Variants in TTLL6 observed in about 807,000 individuals in gnomAD.
The protein encoded by TTLL6 is tubulin polyglutamylase TTLL6.
In TTLL6, 75 loss-of-function variants were observed where a neutral mutation model predicts 96.4. The ratio of observed to expected loss-of-function variants is 0.78; its 90% CI spans 0.65 to 0.94. The LOEUF (loss-of-function observed/expected upper bound fraction) is 0.94. Among genes scored for constraint, TTLL6 ranks in the 40% least tolerant of loss-of-function variants. TTLL6 has a pLI of 0.00. For missense variants in TTLL6, 1,030 were observed against 1,093.0 expected (o/e 0.94, Z 0.81); for synonymous variants, 411 against 419.4 (o/e 0.98, Z 0.24).
At chr17:48,788,937 T>C (rs1232587972) in intron 10 of TTLL6, among the ~76,000 whole-genome samples, 1 of 151,994 alleles carries the variant, frequency 6.6e-6, no homozygotes, top group Non-Finnish European at 1.5e-5. Context: ...GGGGCTGTAG[T>C]GGGGTCTGAA....
At chr17:48,764,165 G>T (rs763581156) in intron 15 of TTLL6, among the ~76,000 whole-genome samples, 8 of 152,002 alleles carry the variant, frequency 5.3e-5, no homozygotes, top group Non-Finnish European at 1.2e-4. Context: ...TACAAAATAG[G>T]TTGTTTATCC....
At chr17:48,787,706 C>T in intron 11 of TTLL6, 105 bp downstream of exon 11, 1 of 1,231,968 alleles carries the variant, frequency 8.1e-7, no homozygotes, top group African/African-American at 1.5e-5. Context: ...GCTCTGGCAA[C>T]TTTCATGGCT....
rs761943581 is a variant in TTLL6 at position 48,769,985 on chromosome 17, G to A, written c.2153C>T (p.Thr718Met). 52 of 1,613,978 alleles carry A rather than the reference G, an allele frequency of 3.2e-5. No individual in the cohort carries two copies. The East Asian group carries it at 4.0e-4, about 12-fold the overall frequency. The change falls in exon 14 of 16, where the codon ACG becomes ATG. Residue 718 changes from threonine to methionine, a missense_variant. Thr to Met is a moderately conservative substitution (Grantham distance 81). Coordinates refer to ENST00000393382, the MANE Select transcript of TTLL6 (RefSeq NM_001130918.3). Reference sequence around the variant, plus strand: ...GCATTTAAAGGATACCACCCTGTCCGTCTCTGGGCCACTGTACTCAGAGCT... The same window carrying A: ...GCATTTAAAGGATACCACCCTGTCCATCTCTGGGCCACTGTACTCAGAGCT... ...TASSEYSGPE[T>M]DRVVSFKCKK...
chr17:48,786,400 C>G, intron 11 of TTLL6, 65 bp from the exon 12 acceptor site: 1 of 1,600,996 alleles, frequency 6.2e-7, no homozygotes, highest in Non-Finnish European at 8.6e-7. Flanking sequence ...AGGCATTCTC[C>G]TTGAGGGATG....
chr17:48,763,727 AG>A (rs1420045033), intron 15 of TTLL6, among the ~76,000 whole-genome samples: 1 of 152,162 alleles, frequency 6.6e-6, no homozygotes, highest in Non-Finnish European at 1.5e-5. Context: ...TGAACCTGGG[AG>A]GTGAAAGTAG....
intron 1 of TTLL6, among the ~76,000 whole-genome samples, chr17:48,813,873 G>A (rs894350029): frequency 1.3e-5 from 2 of 152,144 alleles, no homozygotes; most frequent in African/African-American, 4.8e-5. Flanking sequence ...TCTGCCCTCT[G>A]CCAGTCTGTG....
chr17:48,813,801 C>T (rs2039626993), intron 1 of TTLL6, among the ~76,000 whole-genome samples: 1 of 152,266 alleles, frequency 6.6e-6, no homozygotes, highest in Middle Eastern at 3.4e-3. Context: ...ATTTTCTAAG[C>T]TTCTATGGAA....
intron 3 of TTLL6, 71 bp from the exon 4 acceptor site, chr17:48,801,714 T>A: frequency 7.5e-7 from 1 of 1,330,576 alleles, no homozygotes; most frequent in Non-Finnish European, 1.0e-6. Context: ...ATTCCATTAC[T>A]AGGTGCTCCC....
intron 3 of TTLL6, 128 bp from the exon 4 acceptor site, chr17:48,801,771 C>T (rs1335734191): frequency 3.0e-6 from 2 of 667,966 alleles, no homozygotes; most frequent in Non-Finnish European, 2.6e-6. Flanking sequence ...AGACTGGAAG[C>T]CATCTTGCCC....
At chr17:48,763,156 C>T (rs1019584011) in intron 15 of TTLL6, among the ~76,000 whole-genome samples, 183 bp from the exon 16 acceptor site, 1 of 140,342 alleles carries the variant, frequency 7.1e-6, no homozygotes, top group African/African-American at 2.6e-5. Flanking sequence ...GCCTTCTTGC[C>T]TGAAATATTG....
chr17:48,814,891 C>T (rs750570343), intron 1 of TTLL6, among the ~76,000 whole-genome samples: 2 of 152,162 alleles, frequency 1.3e-5, no homozygotes, highest in African/African-American at 2.4e-5. Flanking sequence ...GTGATTCTCC[C>T]GCCTTAGCTT....
At chr17:48,784,644 T>C (rs2039052793) in intron 13 of TTLL6, among the ~76,000 whole-genome samples, 1 of 152,038 alleles carries the variant, frequency 6.6e-6, no homozygotes, top group African/African-American at 2.4e-5. Context: ...GAATAAACGG[T>C]GTTGCCTCCA....
chr17:48,783,916 A>G (rs968986729), intron 13 of TTLL6, among the ~76,000 whole-genome samples: 1 of 152,198 alleles, frequency 6.6e-6, no homozygotes, highest in Non-Finnish European at 1.5e-5. Flanking sequence ...ATACATCAAC[A>G]GAGTTTGAGA....
chr17:48,816,953 C>T lies in TTLL6; in HGVS notation c.103+17G>A, dbSNP rs1451951068. On this transcript the variant is annotated intron_variant, in intron 1 of 15. Transcript: ENST00000393382. ...GCTGCGGTCTGGAGCCAGCACCGGG[C>T]TTTGGGGCGCTCTTACCCGCAATTC... The T allele has an allele frequency of 6.6e-7, 1 of 1,518,950 alleles. No homozygotes were observed. The highest frequency in any genetic ancestry group is 8.8e-7 in the Non-Finnish European group (1 of 1,134,786). The allele number at this position is 1,518,950 out of a possible 1,614,324, so 94.1% of individuals were successfully genotyped here.
rs758862166 is a variant in TTLL6 at position 48,791,355 on chromosome 17, G to A, written c.1224+23C>T. 2.7e-5 allele frequency: 43 copies of A among 1,604,810 alleles called. No individual in the cohort carries two copies. The Admixed American group carries it at 4.3e-4, about 16-fold the overall frequency. ...GCCCCAATAACAGGAGTTCGTTTTC[G>A]CCCCTCGCCCAAACTTCCCTACCTC... On this transcript the variant is annotated intron_variant, in intron 9 of 15. Coordinates refer to ENST00000393382, the MANE Select transcript of TTLL6 (RefSeq NM_001130918.3).
chr17:48,798,434 G>C (rs566930216), intron 6 of TTLL6, among the ~76,000 whole-genome samples: 1 of 152,144 alleles, frequency 6.6e-6, no homozygotes, highest in South Asian at 2.1e-4. Context: ...GGGTGTGCTG[G>C]TGGGTGCCTG....
chr17:48,799,486 G>T, intron 6 of TTLL6, 118 bp downstream of exon 6: 1 of 1,099,752 alleles, frequency 9.1e-7, no homozygotes, highest in Non-Finnish European at 1.3e-6. Flanking sequence ...CAAGGCAGAA[G>T]CCAGGTCAGC....
At chr17:48,798,188 G>A (rs1045964309) in intron 6 of TTLL6, among the ~76,000 whole-genome samples, 3 of 152,146 alleles carry the variant, frequency 2.0e-5, no homozygotes, top group Non-Finnish European at 4.4e-5. Flanking sequence ...TTGTGAGGCC[G>A]AGGCAGGAGG....
rs778570529 is a variant in TTLL6 at position 48,787,898 on chromosome 17, T to G, written c.1502A>C (p.Asn501Thr). 7 of 1,614,092 alleles carry G rather than the reference T, an allele frequency of 4.3e-6. No homozygotes were observed. The African/African-American group carries it at 9.3e-5, about 22-fold the overall frequency. The change falls in exon 11 of 16, where the codon AAT (asparagine) becomes ACT (threonine). Residue 501 changes from asparagine to threonine, a missense_variant. By Grantham distance (65) the Asn-to-Thr change is moderately conservative (BLOSUM62 0). Transcript: ENST00000393382. ...GAAAAACTTCTCATACTTCTCCGAA[T>G]TCAGACTGGGATAAATCAGTCGGAA... ...GGFRLIYPSL[N>T]SEKYEKFFQD... is the part of the protein sequence containing the mutation.
Sources: allele counts gnomAD v4.1 joint callset (sites outside exome capture counted in the v4.1 genomes callset), GRCh38; gene constraint gnomAD v4.1.1; transcripts MANE v1.5; gene names NCBI Gene and HGNC (gene_info 2026-07-23, HGNC 2026-07-21).